LMAN1: variants seen among roughly 807,000 people sequenced by gnomAD.
The protein encoded by LMAN1 is lectin, mannose binding 1.
In LMAN1, 32 loss-of-function variants were observed where a neutral mutation model predicts 67.8. The ratio of observed to expected loss-of-function variants is 0.47; its 90% CI spans 0.36 to 0.63. The LOEUF (loss-of-function observed/expected upper bound fraction) is 0.63, where lower values mean the gene tolerates loss of function less well. Ranked by LOEUF, LMAN1 falls within the 30% of genes least tolerant of loss-of-function variation. LMAN1 has a pLI of 0.00. For synonymous variants in LMAN1, 235 were observed against 219.3 expected (o/e 1.07, Z -0.63); for missense variants, 632 against 628.2 (o/e 1.01, Z -0.06).
At chr18:59,353,083 A>C in intron 5 of LMAN1, 119 bp downstream of exon 5, 1 of 867,930 alleles carries the variant, frequency 1.2e-6, no homozygotes, top group South Asian at 1.4e-5. Flanking sequence ...TTAGAGTAAC[A>C]ATGAAGAGTA....
chr18:59,346,209 CTTTTTTT>C (rs370183077), intron 7 of LMAN1, among the ~76,000 whole-genome samples, 158 bp from the exon 8 acceptor site: 3,328 of 61,586 alleles, frequency 0.054, 172 homozygotes, highest in African/African-American at 0.17. Flanking sequence ...GCAAATTACT[CTTTTTTT>C]TTTTTTTTTT....
Position 59,331,503 on chromosome 18 carries a change from G to T in LMAN1, c.1411C>A (p.Pro471Thr). ...NEKPKCPELP[P>T]FPSCLSTVHF... ...ACCGTAGACAAACATGATGGAAATG[G>T]TGGTAGTTCTGGGCATTTCGGCTTT... Residue 471 changes from proline (P) to threonine (T), a missense_variant, in exon 12 of 13, where the codon CCA becomes ACA. Transcript: ENST00000251047. 3 of 1,612,776 alleles carry T rather than the reference G, an allele frequency of 1.9e-6. No individual in the cohort carries two copies. The South Asian group carries it at 3.3e-5, about 18-fold the overall frequency.
At position 59,328,354 on chromosome 18, in the gene LMAN1, AG is replaced by A. The variant is rs1360566263; in HGVS notation, c.*2738del. On this transcript the variant is annotated 3_prime_UTR_variant, in exon 13 of 13. Coordinates refer to ENST00000251047, the MANE Select transcript of LMAN1 (RefSeq NM_005570.4). ...CATGGCTTGACCATGAATGATCTCA[AG>A]ATGATTTCATAAGATTAAAAGCCAT... The A allele has an allele frequency of 6.6e-6, 1 of 152,222 alleles. No individual in the cohort carries two copies. Among genetic ancestry groups the A allele is most frequent in the African/African-American group, 2.4e-5 (1 of 41,458 alleles). 9.4% of individuals were successfully genotyped at this position (152,222 alleles called of 1,614,324 possible).
At chr18:59,332,881 A>T (rs1226603890) in intron 11 of LMAN1, among the ~76,000 whole-genome samples, 3 of 152,196 alleles carry the variant, frequency 2.0e-5, no homozygotes, top group Non-Finnish European at 4.4e-5. Context: ...TTACATATTA[A>T]AAAACCATGA....
chr18:59,354,647 C>T, intron 3 of LMAN1, 67 bp from the exon 4 acceptor site: 1 of 795,480 alleles, frequency 1.3e-6, no homozygotes, highest in Non-Finnish European at 2.1e-6. Flanking sequence ...TCTTGATGTA[C>T]TATGAAGTGA....
At position 59,359,052 on chromosome 18, in the gene LMAN1, G is replaced by C; in HGVS notation, c.193C>G (p.Pro65Ala). The change falls in exon 1 of 13, where the codon CCC becomes GCC. Residue 65 changes from proline (P) to alanine (A), a missense_variant. Physicochemically the swap from Pro to Ala is conservative, Grantham distance 27. Coordinates refer to ENST00000251047, the MANE Select transcript of LMAN1 (RefSeq NM_005570.4). Reference protein sequence around the residue: ...PHLVQSDGTVPFWAHAGNAIP... With the variant: ...PHLVQSDGTVAFWAHAGNAIP... ...TTACTCCCCGCGTGGGCCCAGAAGG[G>C]CACGGTCCCGTCGCTCTGCACCAGG... 6.2e-7 allele frequency: 1 copy of C among 1,614,002 alleles called. No individual in the cohort carries two copies. The highest frequency in any genetic ancestry group is 8.5e-7 in the Non-Finnish European group (1 of 1,179,964).
At chr18:59,347,699 C>T in intron 6 of LMAN1, 128 bp from the exon 7 acceptor site, 1 of 720,988 alleles carries the variant, frequency 1.4e-6, no homozygotes, top group Non-Finnish European at 2.3e-6. Flanking sequence ...CAAAAATTAG[C>T]ACTAATTTGG....
At chr18:59,337,415 G>C (rs1427439787) in intron 10 of LMAN1, among the ~76,000 whole-genome samples, 1 of 152,046 alleles carries the variant, frequency 6.6e-6, no homozygotes, top group Non-Finnish European at 1.5e-5. Flanking sequence ...TGGAGAAACT[G>C]ATAAATTTTG....
chr18:59,337,926 TATG>T (rs1908196178), intron 10 of LMAN1, among the ~76,000 whole-genome samples: 1 of 152,204 alleles, frequency 6.6e-6, no homozygotes, highest in Non-Finnish European at 1.5e-5. Context: ...AATGTTAGGT[TATG>T]GAAACATGAC....
At chr18:59,347,119 T>C (rs1400817900) in intron 7 of LMAN1, among the ~76,000 whole-genome samples, 1 of 151,594 alleles carries the variant, frequency 6.6e-6, no homozygotes, top group Non-Finnish European at 1.5e-5. Context: ...TAGTCCCAGC[T>C]ACTCAGGAGG....
rs1210460182 is a variant in LMAN1, at chr18:59,351,817, C to T, written c.639+1385G>A. On this transcript the variant is annotated intron_variant, in intron 5 of 12. Coordinates refer to ENST00000251047, the MANE Select transcript of LMAN1 (RefSeq NM_005570.4). ...GCTACATGCAGGTAAGCAAGACTTA[C>T]TGATGACTCTAATGAAACTGTACAG... 7.2e-5 allele frequency among the ~76,000 whole-genome samples: 11 copies of T among 152,270 alleles called. No individual in the cohort carries two copies. The South Asian group carries it at 1.0e-3, about 14-fold the overall frequency.
intron 10 of LMAN1, 56 bp from the exon 11 acceptor site, chr18:59,333,300 G>C (rs1218443366): frequency 2.3e-6 from 3 of 1,282,846 alleles, no homozygotes; most frequent in Non-Finnish European, 3.3e-6. Flanking sequence ...TTTTTTTTCA[G>C]TCACAGATCT....
At chr18:59,353,080 A>C in intron 5 of LMAN1, 122 bp downstream of exon 5, 1 of 845,852 alleles carries the variant, frequency 1.2e-6, no homozygotes, top group African/African-American at 1.7e-5. Context: ...CTCTTAGAGT[A>C]ACAATGAAGA....
intron 1 of LMAN1, among the ~76,000 whole-genome samples, chr18:59,358,821 TGAGG>T (rs1000158468): frequency 1.1e-4 from 16 of 151,484 alleles, no homozygotes; most frequent in Admixed American, 6.6e-4. Flanking sequence ...ACAGAATGGG[TGAGG>T]GAAAGACTCG....
chr18:59,347,836 G>C (rs1213600769), intron 6 of LMAN1, among the ~76,000 whole-genome samples: 1 of 152,122 alleles, frequency 6.6e-6, no homozygotes, highest in Non-Finnish European at 1.5e-5. Context: ...ACATATAATA[G>C]ATGTTTAATC....
intron 6 of LMAN1, 68 bp downstream of exon 6, chr18:59,349,044 TC>T: frequency 6.4e-7 from 1 of 1,556,074 alleles, no homozygotes; most frequent in Non-Finnish European, 8.9e-7. Context: ...AGTCTACATA[TC>T]CCTAATATAC....
intron 12 of LMAN1, 104 bp from the exon 13 acceptor site, chr18:59,331,233 C>G (rs576318889): frequency 9.1e-7 from 1 of 1,100,664 alleles, no homozygotes; most frequent in Non-Finnish European, 1.4e-6. Flanking sequence ...TTGAAGTATA[C>G]AACGCATTAA....
chr18:59,339,816 T>A (rs1240681034), intron 8 of LMAN1, among the ~76,000 whole-genome samples: 4 of 152,116 alleles, frequency 2.6e-5, no homozygotes, highest in African/African-American at 9.7e-5. Context: ...CCCCACAGCT[T>A]CTTGCCCATG....
At chr18:59,355,173 T>C in intron 3 of LMAN1, 140 bp downstream of exon 3, 1 of 719,004 alleles carries the variant, frequency 1.4e-6, no homozygotes, top group Non-Finnish European at 2.5e-6. Context: ...ATATAAAGAC[T>C]AATTATCACA....
Sources: allele counts gnomAD v4.1 joint callset (sites outside exome capture counted in the v4.1 genomes callset), GRCh38; gene constraint gnomAD v4.1.1; transcripts MANE v1.5; gene names NCBI Gene and HGNC (gene_info 2026-07-23, HGNC 2026-07-21).